Variants in CTTNBP2NL observed in about 807,000 individuals in gnomAD.
CTTNBP2NL encodes CTTNBP2 N-terminal-like protein.
Under a neutral mutation model 32.5 loss-of-function variants are expected in CTTNBP2NL, and 16 were observed. That is an observed-to-expected ratio of 0.49 (90% CI 0.33 to 0.75). The LOEUF (loss-of-function observed/expected upper bound fraction) is 0.75, where lower values mean the gene tolerates loss of function less well. Among genes scored for constraint, CTTNBP2NL ranks in the 30% least tolerant of loss-of-function variants. The pLI, the probability that CTTNBP2NL is intolerant of heterozygous loss-of-function variation, is 0.02. For missense variants in CTTNBP2NL, 645 were observed against 756.0 expected (o/e 0.85, Z 1.72); for synonymous variants, 298 against 289.4 (o/e 1.03, Z -0.30).
At chr1:112,440,194 A>G (rs1006754768) in intron 3 of CTTNBP2NL, among the ~76,000 whole-genome samples, 11 of 152,176 alleles carry the variant, frequency 7.2e-5, no homozygotes, top group African/African-American at 2.7e-4. Context: ...GATTTCTCCA[A>G]TAGTATTTTG....
chr1:112,407,879 G>A (rs1223848687), intron 1 of CTTNBP2NL, among the ~76,000 whole-genome samples: 2 of 109,738 alleles, frequency 1.8e-5, no homozygotes, highest in African/African-American at 7.3e-5. Context: ...GGGTCTCGCT[G>A]TATTGCCCGG....
At chr1:112,422,795 G>A (rs1649270157) in intron 3 of CTTNBP2NL, among the ~76,000 whole-genome samples, 1 of 151,830 alleles carries the variant, frequency 6.6e-6, no homozygotes, top group African/African-American at 2.4e-5. Context: ...GTTTGTTTTT[G>A]TATTTTTTTA....
At chr1:112,430,264 C>T (rs964640081) in intron 3 of CTTNBP2NL, among the ~76,000 whole-genome samples, 4 of 150,728 alleles carry the variant, frequency 2.7e-5, no homozygotes, top group East Asian at 3.9e-4. Flanking sequence ...CTCACTCTGT[C>T]GCCCATGCTG....
chr1:112,405,904 G>A (rs887062006), intron 1 of CTTNBP2NL, among the ~76,000 whole-genome samples: 7 of 152,110 alleles, frequency 4.6e-5, no homozygotes, highest in South Asian at 2.1e-4. Flanking sequence ...ACATGTATGC[G>A]GCCGGGCGCA....
At chr1:112,437,290 T>C (rs1249050994) in intron 3 of CTTNBP2NL, among the ~76,000 whole-genome samples, 3 of 152,132 alleles carry the variant, frequency 2.0e-5, no homozygotes, top group Non-Finnish European at 2.9e-5. Flanking sequence ...TCACCAACAT[T>C]TGTTATTTTT....
chr1:112,414,399 A>G (rs956737102), intron 2 of CTTNBP2NL, among the ~76,000 whole-genome samples: 6 of 152,214 alleles, frequency 3.9e-5, no homozygotes, highest in African/African-American at 1.4e-4. Flanking sequence ...CTGAGGTTAC[A>G]TCGAAGATGT....
intron 3 of CTTNBP2NL, among the ~76,000 whole-genome samples, chr1:112,430,060 T>C (rs1348922029): frequency 6.6e-6 from 1 of 152,188 alleles, no homozygotes; most frequent in Non-Finnish European, 1.5e-5. Flanking sequence ...TGTTAGTTGT[T>C]CATAAATTGG....
chr1:112,441,174 C>T (rs1046336196), intron 3 of CTTNBP2NL, among the ~76,000 whole-genome samples: 7 of 152,202 alleles, frequency 4.6e-5, no homozygotes, highest in African/African-American at 1.7e-4. Context: ...TCTTATCACA[C>T]CAGGATCTTG....
chr1:112,417,603 C>T (rs1649103347), intron 3 of CTTNBP2NL, among the ~76,000 whole-genome samples: 1 of 152,100 alleles, frequency 6.6e-6, no homozygotes, highest in African/African-American at 2.4e-5. Context: ...GAATCAGGCA[C>T]AAGTGTTGTA....
intron 2 of CTTNBP2NL, among the ~76,000 whole-genome samples, chr1:112,412,568 T>G (rs568978559): frequency 6.6e-6 from 1 of 151,882 alleles, no homozygotes; most frequent in Non-Finnish European, 1.5e-5. Flanking sequence ...CTGTGTAATA[T>G]TTATATTGTG....
intron 3 of CTTNBP2NL, among the ~76,000 whole-genome samples, chr1:112,430,665 C>T (rs749977543): frequency 1.3e-5 from 2 of 151,678 alleles, no homozygotes; most frequent in African/African-American, 4.8e-5. Flanking sequence ...GTGATTCTCC[C>T]GCCTCAGCCT....
At chr1:112,400,441 G>A (rs966905776) in intron 1 of CTTNBP2NL, among the ~76,000 whole-genome samples, 33 of 152,058 alleles carry the variant, frequency 2.2e-4, no homozygotes, top group Non-Finnish European at 1.9e-4. Context: ...CGGGTGGATC[G>A]CTTGAGGCCA....
intron 3 of CTTNBP2NL, among the ~76,000 whole-genome samples, chr1:112,437,025 T>A (rs1008449695): frequency 6.6e-6 from 1 of 152,226 alleles, no homozygotes; most frequent in African/African-American, 2.4e-5. Flanking sequence ...GTACCACATT[T>A]TCTTTATTCA....
Position 112,456,481 on chromosome 1 carries a change from T to A in CTTNBP2NL, c.989T>A (p.Met330Lys). The stretch of plus-strand genomic sequence containing the variant: ...ACCCATGGGAGCAACATAGCCAAGA[T>A]GACAAACACTGGGCTGCCTGGTCCT... ...ERTHGSNIAK[M>K]TNTGLPGPAT... is the part of the protein sequence containing the mutation. Residue 330 changes from methionine (M) to lysine (K), a missense_variant, in exon 6 of 6, where the codon ATG (methionine) becomes AAG (lysine). Physicochemically the swap from Met to Lys is moderately conservative, Grantham distance 95 (BLOSUM62 -1). Coordinates refer to ENST00000271277, the MANE Select transcript of CTTNBP2NL (RefSeq NM_018704.3). The A allele has an allele frequency of 6.2e-7, 1 of 1,614,116 alleles. No individual in the cohort carries two copies. Among genetic ancestry groups the A allele is most frequent in the Non-Finnish European group, 8.5e-7 (1 of 1,180,018 alleles).
At chr1:112,399,545 C>T (rs1648434491) in intron 1 of CTTNBP2NL, among the ~76,000 whole-genome samples, 1 of 152,034 alleles carries the variant, frequency 6.6e-6, no homozygotes, top group Non-Finnish European at 1.5e-5. Context: ...GGATTTGTAT[C>T]TTGGCAGAAT....
chr1:112,436,958 T>C (rs1339186371), intron 3 of CTTNBP2NL, among the ~76,000 whole-genome samples: 1 of 152,220 alleles, frequency 6.6e-6, no homozygotes, highest in East Asian at 1.9e-4. Context: ...ACCATGTTTC[T>C]GCAAAGGACA....
At chr1:112,430,205 T>TCTTTC (rs943205849) in intron 3 of CTTNBP2NL, among the ~76,000 whole-genome samples, 1 of 38,344 alleles carries the variant, frequency 2.6e-5, no homozygotes, top group African/African-American at 4.8e-5. Context: ...TCTTTTCTTT[T>TCTTTC]CTTTTCTTTT....
At chr1:112,444,908 A>G (rs1224118173) in intron 3 of CTTNBP2NL, among the ~76,000 whole-genome samples, 1 of 152,172 alleles carries the variant, frequency 6.6e-6, no homozygotes, top group Non-Finnish European at 1.5e-5. Context: ...ACCCTTGGGT[A>G]GTCTGCCCCC....
intron 3 of CTTNBP2NL, among the ~76,000 whole-genome samples, chr1:112,445,614 C>G (rs934069666): frequency 6.6e-6 from 1 of 152,184 alleles, no homozygotes. Context: ...TTCCACAGAT[C>G]CTTTTCCTTT....
Sources: allele counts gnomAD v4.1 joint callset (sites outside exome capture counted in the v4.1 genomes callset), GRCh38; gene constraint gnomAD v4.1.1; transcripts MANE v1.5; gene names NCBI Gene and HGNC (gene_info 2026-07-23, HGNC 2026-07-21).